Variants in CBLB observed in about 807,000 individuals in gnomAD.
CBLB encodes the protein E3 ubiquitin-protein ligase CBL-B.
A neutral mutation model predicts 104.9 loss-of-function variants in CBLB; 31 were observed. The observed-to-expected ratio is 0.30, with a 90% confidence interval of 0.22 to 0.40. The LOEUF (loss-of-function observed/expected upper bound fraction) is 0.40. CBLB is among the 10% of genes least tolerant of loss of function. CBLB has a pLI of 1.00. For synonymous variants in CBLB, 440 were observed against 422.6 expected (o/e 1.04, Z -0.51); for missense variants, 1,062 against 1,214.6 (o/e 0.87, Z 1.87).
chr3:105,737,794 CAT>C (rs1294186022), intron 7 of CBLB, among the ~76,000 whole-genome samples: 2 of 152,168 alleles, frequency 1.3e-5, no homozygotes, highest in Admixed American at 1.3e-4. Context: ...AACACAAACA[CAT>C]GTGCACATAT....
At chr3:105,713,344 C>T (rs1474109049) in intron 10 of CBLB, among the ~76,000 whole-genome samples, 1 of 151,026 alleles carries the variant, frequency 6.6e-6, no homozygotes, top group East Asian at 1.9e-4. Flanking sequence ...AAGAGGGCAG[C>T]TCTACTTAAG....
chr3:105,863,151 C>T (rs1302630669), intron 2 of CBLB, among the ~76,000 whole-genome samples: 1 of 152,166 alleles, frequency 6.6e-6, no homozygotes, highest in Non-Finnish European at 1.5e-5. Flanking sequence ...TTAAGGCCTG[C>T]ATTATATGAA....
At chr3:105,862,290 C>T (rs749212047) in intron 2 of CBLB, among the ~76,000 whole-genome samples, 1 of 152,194 alleles carries the variant, frequency 6.6e-6, no homozygotes, top group African/African-American at 2.4e-5. Context: ...CACTCTGGTA[C>T]ACTGAACTTA....
intron 18 of CBLB, among the ~76,000 whole-genome samples, chr3:105,663,445 AG>A (rs1221072738): frequency 1.3e-5 from 2 of 152,154 alleles, no homozygotes; most frequent in Admixed American, 1.3e-4. Flanking sequence ...TATTGTTAAC[AG>A]GCTTCAGATG....
intron 5 of CBLB, among the ~76,000 whole-genome samples, chr3:105,749,949 G>A (rs531487508): frequency 6.6e-6 from 1 of 152,022 alleles, no homozygotes; most frequent in Non-Finnish European, 1.5e-5. Flanking sequence ...AGTGATTTAT[G>A]TAATTGCTTA....
chr3:105,685,370 A>G lies in CBLB; in HGVS notation c.2151T>C (p.Val717=). The G allele has an allele frequency of 6.2e-7, 1 of 1,613,720 alleles. No homozygotes were observed. The highest frequency in any genetic ancestry group is 8.5e-7 in the Non-Finnish European group (1 of 1,179,690). Residue 717 remains valine, a synonymous_variant, in exon 14 of 19, where the codon GTT becomes GTC. Coordinates refer to ENST00000394030, the MANE Select transcript of CBLB (RefSeq NM_170662.5). ...DEYKIPSSHP[V]SLNSQPSHCH... ...AATGAGATGGTTGTGAATTCAGGGA[A>G]ACAGGGTGGGATGAAGGAATCTTGT...
intron 3 of CBLB, among the ~76,000 whole-genome samples, chr3:105,846,963 AAATT>A (rs2090332909): frequency 6.6e-6 from 1 of 152,074 alleles, no homozygotes; most frequent in Non-Finnish European, 1.5e-5. Context: ...TTAAGCATTT[AAATT>A]AATACTACTG....
intron 3 of CBLB, among the ~76,000 whole-genome samples, chr3:105,843,740 C>T (rs2089869409): frequency 1.3e-5 from 2 of 151,936 alleles, no homozygotes; most frequent in South Asian, 4.1e-4. Flanking sequence ...CTGAAAAAAA[C>T]TTATTTCAGC....
chr3:105,685,502 A>G (rs967008932), intron 13 of CBLB, 36 bp from the exon 14 acceptor site: 1 of 1,574,716 alleles, frequency 6.4e-7, no homozygotes, highest in Admixed American at 1.7e-5. Context: ...TAGTTTAAGC[A>G]TAATATTCAA....
At chr3:105,860,784 A>T (rs932167770) in intron 2 of CBLB, among the ~76,000 whole-genome samples, 1 of 152,120 alleles carries the variant, frequency 6.6e-6, no homozygotes, top group Non-Finnish European at 1.5e-5. Context: ...TTAGCTCATA[A>T]AGTTACTCAT....
At chr3:105,717,194 T>C (rs1576570336) in intron 10 of CBLB, among the ~76,000 whole-genome samples, 1 of 152,244 alleles carries the variant, frequency 6.6e-6, no homozygotes, top group East Asian at 1.9e-4. Flanking sequence ...TTTTAAAATT[T>C]CTCTTAAAGC....
intron 11 of CBLB, among the ~76,000 whole-genome samples, chr3:105,703,091 T>C (rs1239727971): frequency 6.6e-6 from 1 of 151,958 alleles, no homozygotes; most frequent in Non-Finnish European, 1.5e-5. Flanking sequence ...GATTCTTACA[T>C]AGAAATATAA....
At chr3:105,678,951 C>G (rs1367462518) in intron 16 of CBLB, among the ~76,000 whole-genome samples, 1 of 152,118 alleles carries the variant, frequency 6.6e-6, no homozygotes, top group Non-Finnish European at 1.5e-5. Context: ...ACAGGATTTT[C>G]TGTGTAGCAA....
At chr3:105,758,347 G>A (rs1005164870) in intron 4 of CBLB, among the ~76,000 whole-genome samples, 5 of 152,152 alleles carry the variant, frequency 3.3e-5, no homozygotes, top group African/African-American at 7.2e-5. Context: ...TTCCTGACAC[G>A]ATAAAGACAC....
At chr3:105,807,244 G>A (rs1215655332) in intron 3 of CBLB, among the ~76,000 whole-genome samples, 1 of 152,122 alleles carries the variant, frequency 6.6e-6, no homozygotes, top group Non-Finnish European at 1.5e-5. Context: ...TTTTCTTAAA[G>A]ATTCTACTTT....
intron 10 of CBLB, 149 bp downstream of exon 10, chr3:105,719,898 T>C (rs1407911612): frequency 1.4e-6 from 1 of 709,388 alleles, no homozygotes; most frequent in African/African-American, 1.7e-5. Context: ...GTGATATTGA[T>C]GATCCTGACC....
At chr3:105,825,899 G>A (rs1001573867) in intron 3 of CBLB, among the ~76,000 whole-genome samples, 5 of 152,010 alleles carry the variant, frequency 3.3e-5, no homozygotes, top group African/African-American at 7.3e-5. Context: ...TTTTATACTC[G>A]TATTTCATTT....
At position 105,831,051 on chromosome 3, in the gene CBLB, CTTCCT is replaced by C. The variant is rs199559554; in HGVS notation, c.419+22358_419+22362del. The stretch of plus-strand genomic sequence containing the variant: ...CGAAATTGCATGGTAACCAGAGTAA[CTTCCT>C]TTCTTGTTTTATTTTTTCTGATATA... On this transcript the variant is annotated intron_variant, in intron 3 of 18. Coordinates refer to ENST00000394030, the MANE Select transcript of CBLB (RefSeq NM_170662.5). Among the ~76,000 whole-genome samples, 1,043 of 152,174 alleles carry C rather than the reference CTTCCT, an allele frequency of 6.9e-3. 2 individuals carry two copies. Among genetic ancestry groups the C allele is most frequent in the South Asian group, 0.011 (54 of 4,818 alleles).
chr3:105,713,614 A>T (rs1361770556), intron 10 of CBLB, among the ~76,000 whole-genome samples: 1 of 152,206 alleles, frequency 6.6e-6, no homozygotes, highest in Admixed American at 6.5e-5. Flanking sequence ...AAGGTATCCT[A>T]CGACATCACA....
Sources: allele counts gnomAD v4.1 joint callset (sites outside exome capture counted in the v4.1 genomes callset), GRCh38; gene constraint gnomAD v4.1.1; transcripts MANE v1.5; gene names NCBI Gene and HGNC (gene_info 2026-07-23, HGNC 2026-07-21).